SYNE2: variants seen among roughly 807,000 people sequenced by gnomAD.
SYNE2 encodes the protein spectrin repeat containing nuclear envelope protein 2.
A neutral mutation model predicts 856.3 loss-of-function variants in SYNE2; 431 were observed. The observed-to-expected ratio is 0.50, with a 90% CI of 0.47 to 0.55. The LOEUF (loss-of-function observed/expected upper bound fraction) is 0.55. Among genes scored for constraint, SYNE2 ranks in the 20% least tolerant of loss-of-function variants. The pLI, the probability that SYNE2 is intolerant of heterozygous loss-of-function variation, is 0.00. For synonymous variants in SYNE2, 2,923 were observed against 2,872.3 expected (o/e 1.02, Z -0.56); for missense variants, 8,129 against 8,023.2 (o/e 1.01, Z -0.50).
At chr14:63,976,540 C>CTTTTTT (rs34440267) in intron 11 of SYNE2, 23 bp from the exon 12 acceptor site, 93 of 1,361,670 alleles carry the variant, frequency 6.8e-5, no homozygotes, top group South Asian at 2.7e-4. Flanking sequence ...AGAATATGTT[C>CTTTTTT]TTTTTTTTTT....
intron 84 of SYNE2, among the ~76,000 whole-genome samples, chr14:64,149,097 C>T (rs1204182148): frequency 6.7e-6 from 1 of 150,228 alleles, no homozygotes; most frequent in East Asian, 2.0e-4. Context: ...CACTTGAGGC[C>T]AGGAGTTCAA....
Position 64,221,691 on chromosome 14 carries a change from G to A in SYNE2, c.20177G>A (p.Arg6726Gln), listed in dbSNP as rs200847772. Residue 6726 changes from arginine (R) to glutamine (Q), a missense_variant, in exon 112 of 116, where the codon CGG becomes CAG. Coordinates refer to ENST00000555002, the MANE Select transcript of SYNE2 (RefSeq NM_182914.3). ...KADPRALLEC[R>Q]RELMQLEKEL... ...GACCCCCGGGCTCTCCTAGAGTGTC[G>A]GAGGGAACTAATGGTAAGTTTCCTC... 2.2e-5 allele frequency: 35 copies of A among 1,613,756 alleles called. No individual in the cohort carries two copies. The highest frequency in any genetic ancestry group is 1.5e-4 in the African/African-American group (11 of 75,016).
chr14:63,916,477 G>A lies in SYNE2; in HGVS notation c.79+7250G>A, dbSNP rs1041978136. On this transcript the variant is annotated intron_variant, in intron 2 of 115. Coordinates refer to ENST00000555002, the MANE Select transcript of SYNE2 (RefSeq NM_182914.3). ...TTGTAGGTACATATGATATTCCTGA[G>A]TTGTTATTGCCAATCAAGTTTCTGA... 2.0e-5 allele frequency among the ~76,000 whole-genome samples: 3 copies of A among 152,142 alleles called. No homozygotes were observed. In the South Asian group the frequency reaches 6.2e-4, roughly 32 times the overall value.
In SYNE2 at chr14:64,002,552, T is replaced by G. The variant is rs10149728; in HGVS notation, c.3787-168T>G. 0.28 allele frequency among the ~76,000 whole-genome samples: 42,817 copies of G among 152,126 alleles called. 6,264 individuals are homozygous for G. The highest frequency in any genetic ancestry group is 0.35 in the East Asian group (1,831 of 5,174). ...GGGATTGAAACATGAGCTGGCACAT[T>G]GATCATTTGTAATTAAAATGTTTCC... On this transcript the variant is annotated intron_variant, in intron 29 of 115. Coordinates refer to ENST00000555002, the MANE Select transcript of SYNE2 (RefSeq NM_182914.3).
At position 63,997,500 on chromosome 14, in the gene SYNE2, T is replaced by A; in HGVS notation, c.3243+109T>A. ...TGTTGGTTTTAATTATTCGATTGTT[T>A]TTATCAATGGAGAATTTCCACTTAC... On this transcript the variant is annotated intron_variant, in intron 25 of 115. Transcript: ENST00000555002. 3.2e-6 allele frequency: 3 copies of A among 949,644 alleles called. No individual in the cohort carries two copies. The Admixed American group carries it at 6.0e-5, about 19-fold the overall frequency. The allele number at this position is 949,644 out of a possible 1,614,324, so 58.8% of individuals were successfully genotyped here. A position where few individuals can be genotyped will look rare whatever the true frequency, so the allele number is the denominator to read the frequency against.
At chr14:64,218,326 G>T in intron 108 of SYNE2, 72 bp from the exon 109 acceptor site, 1 of 1,374,258 alleles carries the variant, frequency 7.3e-7, no homozygotes, top group Non-Finnish European at 1.0e-6. Context: ...CTGTTAATAT[G>T]AAATGAATCC....
chr14:63,827,651 A>AAAAAAGAAAG lies in SYNE2; in HGVS notation c.-304-24840_-304-24831dup, dbSNP rs1402336671. Among the ~76,000 whole-genome samples, 559 of 141,754 alleles carry AAAAAAGAAAG rather than the reference A, an allele frequency of 3.9e-3. 2 individuals are homozygous for AAAAAAGAAAG. Among genetic ancestry groups the AAAAAAGAAAG allele is most frequent in the African/African-American group, 0.011 (394 of 36,110 alleles). The allele number at this position is 141,754 out of a possible 152,430, so 93.0% of individuals were successfully genotyped here. A position where few individuals can be genotyped will look rare whatever the true frequency, so the allele number is the denominator to read the frequency against. ...AAAAAAAAAAAAAAAAAAAAAAAAA[A>AAAAAAGAAAG]AAAAAGAAAGAAAAAGAAAAAAAGA... On this transcript the variant is annotated intron_variant, in intron 1 of 23. Coordinates refer to the SYNE2 transcript ENST00000674003.
At chr14:64,158,584 C>T (rs1327549926) in intron 85 of SYNE2, 41 bp from the exon 86 acceptor site, 5 of 1,605,392 alleles carry the variant, frequency 3.1e-6, no homozygotes, top group African/African-American at 1.3e-5. Context: ...CATGTCTTCT[C>T]AGTGATTTTC....
At chr14:64,212,181 T>C in intron 104 of SYNE2, 83 bp downstream of exon 104, 3 of 1,601,300 alleles carry the variant, frequency 1.9e-6, no homozygotes, top group South Asian at 2.2e-5. Context: ...TTTCACACGA[T>C]ACTCTGAGAG....
At chr14:63,814,060 A>AAACAACAACAACAACAAC (rs71120290) in intron 1 of SYNE2, among the ~76,000 whole-genome samples, 84 of 150,006 alleles carry the variant, frequency 5.6e-4, no homozygotes, top group South Asian at 5.6e-3. Flanking sequence ...TCTGTCTCAA[A>AAACAACAACAACAACAAC]AACAACAACA....
rs778599845 is a variant in SYNE2 at position 63,997,274 on chromosome 14, A to G, written c.3153-27A>G. On this transcript the variant is annotated intron_variant, in intron 24 of 115. Transcript: ENST00000555002. ...GGTTTCATTTTTCTTACCCTCTTTT[A>G]AACATGCAATTTTGATTCCTTTCTA... 3 of 1,604,838 alleles carry G rather than the reference A, an allele frequency of 1.9e-6. No homozygotes were observed. The Admixed American group carries it at 5.0e-5, about 27-fold the overall frequency.
chr14:64,089,748 T>G, intron 59 of SYNE2, 52 bp downstream of exon 59: 1 of 1,390,674 alleles, frequency 7.2e-7, no homozygotes, highest in Non-Finnish European at 1.0e-6. Context: ...TATTATGTCT[T>G]TTTCAAAATA....
intron 8 of SYNE2, among the ~76,000 whole-genome samples, chr14:63,961,182 G>A (rs983312292): frequency 1.3e-5 from 2 of 152,210 alleles, no homozygotes; most frequent in East Asian, 1.9e-4. Flanking sequence ...TCTGCACTAT[G>A]TGTCTAGAAA....
Position 64,113,357 on chromosome 14 carries a change from T to C in SYNE2, c.12626T>C (p.Ile4209Thr), listed in dbSNP as rs61747118. The C allele has an allele frequency of 0.017, 27,694 of 1,613,922 alleles. 278 individuals are homozygous for C. The highest frequency in any genetic ancestry group is 0.038 in the African/African-American group (2,845 of 75,022). The change falls in exon 66 of 116, where the codon ATT (isoleucine) becomes ACT (threonine). Residue 4209 changes from isoleucine to threonine, a missense_variant. Physicochemically the swap from Ile to Thr is moderately conservative, Grantham distance 89 (BLOSUM62 -1). Around this residue, in one of 3 missense-constraint regions of SYNE2, gnomAD observed 5,410 missense variants for 5,284.8 expected, o/e 1.02. Coordinates refer to ENST00000555002, the MANE Select transcript of SYNE2 (RefSeq NM_182914.3). ...NQTEEGTTPP[I>T]EADTLDSSDA... ...TTCTCTTAGGGCACCACACCTCCTA[T>C]TGAGGCTGACACTCTGGACTCTTCT...
At chr14:64,193,331 C>A (rs1045779698) in intron 99 of SYNE2, among the ~76,000 whole-genome samples, 1 of 152,198 alleles carries the variant, frequency 6.6e-6, no homozygotes, top group Admixed American at 6.5e-5. Context: ...CAGTGGATCA[C>A]CTGCAGTCGG....
chr14:63,791,828 C>T (rs1887743635), intron 1 of SYNE2, among the ~76,000 whole-genome samples: 1 of 151,806 alleles, frequency 6.6e-6, no homozygotes, highest in African/African-American at 2.4e-5. Context: ...GCCTGTAGTC[C>T]CAGCTACTCA....
chr14:63,833,369 T>A (rs1056255036), intron 1 of SYNE2, among the ~76,000 whole-genome samples: 1 of 152,194 alleles, frequency 6.6e-6, no homozygotes, highest in Non-Finnish European at 1.5e-5. Context: ...GCTTATCTTC[T>A]TGTACTTTTC....
upstream of SYNE2, among the ~76,000 whole-genome samples, chr14:63,850,519 C>T (rs942683174): frequency 1.3e-5 from 2 of 151,956 alleles, no homozygotes; most frequent in African/African-American, 4.8e-5. Context: ...ATTTATAGGC[C>T]CAGGGTTGTG....
chr14:64,132,345 CAGAG>C lies in SYNE2; in HGVS notation c.14425_14428del (p.Glu4809HisfsTer7). ...AAATACTTCCTTCTTTATTGCAAAA[CAGAG>C]AGACATTTTGGGCAGAACAAGTAAC... On this transcript the variant is annotated frameshift_variant, in exon 77 of 116. Coordinates refer to ENST00000555002, the MANE Select transcript of SYNE2 (RefSeq NM_182914.3). LOFTEE classifies it high-confidence loss of function. 1 of 1,614,096 alleles carries C rather than the reference CAGAG, an allele frequency of 6.2e-7. No homozygotes were observed. The highest frequency in any genetic ancestry group is 8.5e-7 in the Non-Finnish European group (1 of 1,180,020).
Sources: allele counts gnomAD v4.1 joint callset (sites outside exome capture counted in the v4.1 genomes callset), GRCh38; gene constraint gnomAD v4.1.1; regional missense constraint gnomAD v4.1.1; transcripts MANE v1.5; gene names NCBI Gene and HGNC (gene_info 2026-07-23, HGNC 2026-07-21).